The following LARGE1 variants were observed in gnomAD, a reference collection of about 807,000 sequenced individuals.
The protein encoded by LARGE1 is LARGE xylosyl- and glucuronyltransferase 1.
In LARGE1, 43 loss-of-function variants were observed where a neutral mutation model predicts 87.6. The observed-to-expected ratio is 0.49, with a 90% CI of 0.38 to 0.63. LARGE1 has a LOEUF of 0.63. Ranked by LOEUF, LARGE1 falls within the 30% of genes least tolerant of loss-of-function variation. LARGE1 has a pLI of 0.00. For synonymous variants in LARGE1, 434 were observed against 394.6 expected (o/e 1.10, Z -1.18); for missense variants, 802 against 1,000.2 (o/e 0.80, Z 2.67).
chr22:33,867,310 C>A (rs528548792), intron 1 of LARGE1, among the ~76,000 whole-genome samples: 15 of 152,168 alleles, frequency 9.9e-5, no homozygotes, highest in Non-Finnish European at 2.1e-4. Context: ...ATAAACATGG[C>A]CTTTGCACAC....
intron 6 of LARGE1, among the ~76,000 whole-genome samples, chr22:33,468,578 A>G (rs1311463256): frequency 6.6e-6 from 1 of 152,244 alleles, no homozygotes; most frequent in Non-Finnish European, 1.5e-5. Flanking sequence ...GGAGGACACA[A>G]AATCAAAACA....
intron 1 of LARGE1, among the ~76,000 whole-genome samples, chr22:33,870,770 T>G (rs1041533159): frequency 2.6e-5 from 4 of 152,190 alleles, no homozygotes; most frequent in Non-Finnish European, 5.9e-5. Flanking sequence ...GGTTTCCCCA[T>G]GTTGACCAGG....
chr22:33,482,311 C>CTCCTCTTTA, intron 6 of LARGE1, among the ~76,000 whole-genome samples: 1 of 152,158 alleles, frequency 6.6e-6, no homozygotes, highest in Non-Finnish European at 1.5e-5. Context: ...TCATGCTTTT[C>CTCCTCTTTA]TCCTCTTTCC....
At chr22:33,772,320 G>A (rs1397296448) in intron 1 of LARGE1, among the ~76,000 whole-genome samples, 3 of 144,762 alleles carry the variant, frequency 2.1e-5, no homozygotes, top group Admixed American at 6.8e-5. Context: ...GCAACAGAGC[G>A]AGACTCTGCC....
At chr22:33,485,072 C>T (rs997286327) in intron 6 of LARGE1, among the ~76,000 whole-genome samples, 15 of 151,596 alleles carry the variant, frequency 9.9e-5, no homozygotes, top group Non-Finnish European at 1.8e-4. Flanking sequence ...CCACCACGCC[C>T]GGCTAATTTT....
intron 10 of LARGE1, among the ~76,000 whole-genome samples, chr22:33,321,837 A>T (rs935481907): frequency 1.3e-5 from 2 of 152,092 alleles, no homozygotes; most frequent in African/African-American, 4.8e-5. Context: ...TTGATTGACT[A>T]AGATGGAGTC....
chr22:33,461,294 AC>A (rs1209467276), intron 6 of LARGE1, among the ~76,000 whole-genome samples: 1 of 152,186 alleles, frequency 6.6e-6, no homozygotes, highest in Non-Finnish European at 1.5e-5. Context: ...TCTCTAAAAA[AC>A]AGACAAACAA....
In LARGE1 at chr22:33,890,700, T is replaced by C. The variant is rs573033864; in HGVS notation, c.-83+29295A>G. On this transcript the variant is annotated intron_variant, in intron 1 of 14. Coordinates refer to ENST00000397394, the MANE Select transcript of LARGE1 (RefSeq NM_133642.5). ...TTTATATCTGCAAAATTCTCAGATC[T>C]ATTCAAAAGGACCATGAGCTTCGTG... 1.2e-4 allele frequency among the ~76,000 whole-genome samples: 18 copies of C among 150,976 alleles called. No individual in the cohort carries two copies. The East Asian group carries it at 3.1e-3, about 26-fold the overall frequency.
At chr22:33,471,784 C>A (rs1425016367) in intron 6 of LARGE1, among the ~76,000 whole-genome samples, 1 of 152,090 alleles carries the variant, frequency 6.6e-6, no homozygotes, top group Non-Finnish European at 1.5e-5. Context: ...CCTGTAATCC[C>A]AGCACTTTGG....
chr22:33,475,227 C>T (rs1013403564), intron 6 of LARGE1, among the ~76,000 whole-genome samples: 4 of 152,108 alleles, frequency 2.6e-5, no homozygotes, highest in African/African-American at 9.7e-5. Flanking sequence ...TGTTTCATCT[C>T]TTCCTATTTG....
At chr22:33,552,164 T>C (rs953408696) in intron 6 of LARGE1, among the ~76,000 whole-genome samples, 1 of 152,112 alleles carries the variant, frequency 6.6e-6, no homozygotes, top group Non-Finnish European at 1.5e-5. Flanking sequence ...TGGTAACAAG[T>C]AGGTGCTCAA....
intron 6 of LARGE1, among the ~76,000 whole-genome samples, chr22:33,559,885 C>T (rs1397157943): frequency 6.6e-6 from 1 of 152,160 alleles, no homozygotes; most frequent in Non-Finnish European, 1.5e-5. Context: ...AATTTTGCTT[C>T]CCTGCCTTTG....
At chr22:33,438,306 C>T (rs2067346410) in intron 6 of LARGE1, among the ~76,000 whole-genome samples, 1 of 152,132 alleles carries the variant, frequency 6.6e-6, no homozygotes, top group African/African-American at 2.4e-5. Flanking sequence ...TTCTGCACTG[C>T]CTGTCTCGTC....
intron 2 of LARGE1, among the ~76,000 whole-genome samples, chr22:33,687,527 G>A (rs2081980345): frequency 6.6e-6 from 1 of 152,128 alleles, no homozygotes; most frequent in Non-Finnish European, 1.5e-5. Context: ...GAGAACAACA[G>A]GGAGCACAGA....
chr22:33,763,194 T>C lies in LARGE1; in HGVS notation c.-82-1636A>G, dbSNP rs144254133. The stretch of plus-strand genomic sequence containing the variant: ...GCCTGATAACTGTCTGTTAAATGAA[T>C]ACATGGAATCAGATTCTATCCAAAG... On this transcript the variant is annotated intron_variant, in intron 1 of 14. Transcript: ENST00000397394. 4.5e-3 allele frequency among the ~76,000 whole-genome samples: 683 copies of C among 152,270 alleles called. 1 individual carries two copies. The highest frequency in any genetic ancestry group is 0.015 in the African/African-American group (622 of 41,552).
chr22:33,156,624 A>C, the LARGE1 span, among the ~76,000 whole-genome samples: 7 of 152,280 alleles, frequency 4.6e-5, no homozygotes, highest in African/African-American at 1.7e-4. Flanking sequence ...TTTAGGTGGA[A>C]GGGACTTGCC....
chr22:33,390,168 G>A (rs1451485974), intron 7 of LARGE1, among the ~76,000 whole-genome samples: 6 of 152,162 alleles, frequency 3.9e-5, no homozygotes, highest in East Asian at 3.9e-4. Flanking sequence ...ATTCCAGAAC[G>A]TTTACTAAAT....
chr22:33,756,590 G>C (rs1462984975), intron 2 of LARGE1, among the ~76,000 whole-genome samples: 1 of 152,108 alleles, frequency 6.6e-6, no homozygotes. Flanking sequence ...GGTGGGAAGA[G>C]CAGAGCCCAC....
chr22:33,595,542 T>C (rs1040222819), intron 5 of LARGE1, among the ~76,000 whole-genome samples: 1 of 152,180 alleles, frequency 6.6e-6, no homozygotes, highest in Non-Finnish European at 1.5e-5. Context: ...CACAAGCAGG[T>C]CAGAAGACAT....
Sources: allele counts gnomAD v4.1 joint callset (sites outside exome capture counted in the v4.1 genomes callset), GRCh38; gene constraint gnomAD v4.1.1; transcripts MANE v1.5; gene names NCBI Gene and HGNC (gene_info 2026-07-23, HGNC 2026-07-21).